Variants in TUSC3 observed in about 807,000 individuals in gnomAD.
TUSC3 encodes tumor suppressor candidate 3, also known as dolichyl-diphosphooligosaccharide--protein glycosyltransferase subunit TUSC3.
TUSC3 carries 45 observed loss-of-function variants against 44.8 expected under a neutral mutation model. The observed-to-expected ratio is 1.00, with a 90% CI of 0.79 to 1.29. TUSC3 has a LOEUF of 1.29. Ranked by LOEUF, TUSC3 falls within the 50% of genes most tolerant of loss-of-function variation. TUSC3 has a pLI of 0.00. For synonymous variants in TUSC3, 212 were observed against 152.9 expected, an observed-to-expected ratio of 1.39 and a Z score of -2.85; for missense variants, 519 against 437.9, an observed-to-expected ratio of 1.19 and a Z score of -1.65.
intron 1 of TUSC3, among the ~76,000 whole-genome samples, chr8:15,584,282 C>G (rs900026085): frequency 1.3e-5 from 2 of 152,056 alleles, no homozygotes; most frequent in African/African-American, 4.8e-5. Flanking sequence ...GCAGGGTGAT[C>G]CAGAAGGATA....
rs544466522 is a variant in TUSC3, at chr8:15,475,615, A to C, written n.92-7771A>C. On this transcript the variant is annotated intron_variant and non_coding_transcript_variant, in intron 1 of 5. Transcript: ENST00000503191. The stretch of plus-strand genomic sequence containing the variant: ...AAAGTATAAGTAAATCAACTGGAAA[A>C]CTGGAGCTCTAGAATAGTTTGGGAT... Among the ~76,000 whole-genome samples, 5 of 152,242 alleles carry C rather than the reference A, an allele frequency of 3.3e-5. No individual in the cohort carries two copies. In the South Asian group the frequency reaches 1.0e-3, roughly 32 times the overall value.
chr8:15,445,248 A>G (rs773281221), intron 1 of TUSC3, among the ~76,000 whole-genome samples: 11 of 152,200 alleles, frequency 7.2e-5, no homozygotes, highest in Non-Finnish European at 1.2e-4. Context: ...AATAAGGAGA[A>G]AACTATCATC....
intron 6 of TUSC3, among the ~76,000 whole-genome samples, chr8:15,723,435 C>G (rs1810382818): frequency 6.6e-6 from 1 of 152,128 alleles, no homozygotes; most frequent in Non-Finnish European, 1.5e-5. Context: ...TAATGAAGTG[C>G]TTAGGAATTT....
intron 2 of TUSC3, among the ~76,000 whole-genome samples, chr8:15,531,403 C>T (rs1448231506): frequency 1.3e-5 from 2 of 152,202 alleles, no homozygotes; most frequent in Non-Finnish European, 1.5e-5. Flanking sequence ...AGGCACCCGC[C>T]ACAGTGCCTG....
At chr8:15,849,750 T>G in the TUSC3 span, among the ~76,000 whole-genome samples, 1 of 152,082 alleles carries the variant, frequency 6.6e-6, no homozygotes, top group Non-Finnish European at 1.5e-5. Context: ...TGACAATGCT[T>G]TCTGCCCAAG....
At chr8:15,771,827 G>A in the TUSC3 span, among the ~76,000 whole-genome samples, 3 of 152,096 alleles carry the variant, frequency 2.0e-5, no homozygotes, top group Non-Finnish European at 4.4e-5. Flanking sequence ...GGTGGCTCAC[G>A]CCTGTAATCC....
At chr8:15,535,492 G>A (rs564996330), upstream of TUSC3, among the ~76,000 whole-genome samples, 7 of 152,280 alleles carry the variant, frequency 4.6e-5, no homozygotes, top group South Asian at 2.1e-4. Context: ...AGTTTCTACC[G>A]TCCTAGAGCT....
chr8:15,484,568 C>T (rs906340090), intron 2 of TUSC3, among the ~76,000 whole-genome samples: 4 of 152,208 alleles, frequency 2.6e-5, no homozygotes, highest in African/African-American at 9.6e-5. Flanking sequence ...CTTTCTCATT[C>T]CGGTGTAGGG....
In TUSC3 at chr8:15,765,724, A is replaced by G. The variant is rs941062441; in HGVS notation, c.*1568A>G. On this transcript the variant is annotated 3_prime_UTR_variant, in exon 11 of 11. Coordinates refer to ENST00000503731, the MANE Select transcript of TUSC3 (RefSeq NM_006765.4). ...TTCATGTACTTAGATGAATAAATTT[A>G]GTTTTGGAATGACGTTTATGGAAAA... 2.6e-5 allele frequency: 4 copies of G among 152,046 alleles called. No individual in the cohort carries two copies. Among genetic ancestry groups the G allele is most frequent in the African/African-American group, 9.7e-5 (4 of 41,438 alleles). The allele number at this position is 152,046 out of a possible 1,614,324, so 9.4% of individuals were successfully genotyped here.
rs182183684 is a variant in TUSC3, at chr8:15,669,328, G to A, written c.709-4419G>A. On this transcript the variant is annotated intron_variant, in intron 5 of 10. Coordinates refer to ENST00000503731, the MANE Select transcript of TUSC3 (RefSeq NM_006765.4). ...CTAACTCTTCTAAACAATTGAGACG[G>A]AATAATACTCACCTTAGGTAAACTT... Among the ~76,000 whole-genome samples, 491 of 151,734 alleles carry A rather than the reference G, an allele frequency of 3.2e-3. 1 individual carries two copies. Among genetic ancestry groups the A allele is most frequent in the Admixed American group, 6.4e-3 (97 of 15,188 alleles).
the TUSC3 span, among the ~76,000 whole-genome samples, chr8:15,808,496 T>G: frequency 2.0e-5 from 3 of 152,126 alleles, no homozygotes; most frequent in Admixed American, 6.6e-5. Context: ...ATATATCTCT[T>G]GTTGGCCAAT....
the TUSC3 span, among the ~76,000 whole-genome samples, chr8:15,817,040 T>C: frequency 1.8e-4 from 27 of 152,042 alleles, no homozygotes; most frequent in African/African-American, 6.5e-4. Context: ...ACTTGCTTTT[T>C]AAAAAAAAAT....
chr8:15,674,569 GCT>G (rs1782992862), intron 6 of TUSC3, among the ~76,000 whole-genome samples: 1 of 151,692 alleles, frequency 6.6e-6, no homozygotes, highest in Admixed American at 6.6e-5. Context: ...GACTTTTTCA[GCT>G]CTCATCTCAT....
intron 2 of TUSC3, among the ~76,000 whole-genome samples, chr8:15,495,232 T>A: frequency 6.6e-6 from 1 of 152,180 alleles, no homozygotes; most frequent in East Asian, 1.9e-4. Context: ...GCCATCCCTC[T>A]CTGGGATAAA....
At chr8:15,546,612 T>G (rs1439782582) in intron 1 of TUSC3, among the ~76,000 whole-genome samples, 2 of 151,664 alleles carry the variant, frequency 1.3e-5, no homozygotes, top group African/African-American at 4.8e-5. Flanking sequence ...CTTGGCTCAC[T>G]GCAACCTCTG....
chr8:15,484,292 T>A (rs1411770026), intron 2 of TUSC3, among the ~76,000 whole-genome samples: 1 of 152,222 alleles, frequency 6.6e-6, no homozygotes, highest in Admixed American at 6.5e-5. Context: ...CTAGCACAAT[T>A]TCCCAGGAAG....
chr8:15,835,153 CTT>C, the TUSC3 span, among the ~76,000 whole-genome samples: 2 of 152,110 alleles, frequency 1.3e-5, no homozygotes, highest in African/African-American at 2.4e-5. Flanking sequence ...TCTTTTTAGA[CTT>C]ATCCTTTTTG....
chr8:15,841,703 G>A, the TUSC3 span, among the ~76,000 whole-genome samples: 875 of 152,218 alleles, frequency 5.7e-3, 4 homozygotes, highest in African/African-American at 0.02. Flanking sequence ...TAGTAGAGAC[G>A]GGGTTTTGCC....
intron 6 of TUSC3, among the ~76,000 whole-genome samples, chr8:15,678,571 A>C (rs1197207707): frequency 6.6e-6 from 1 of 152,202 alleles, no homozygotes; most frequent in African/African-American, 2.4e-5. Context: ...CTTCAGAATA[A>C]AGTAGAAAAA....
Sources: gnomAD v4.1 joint callset for allele counts (sites outside exome capture counted in the v4.1 genomes callset) on GRCh38, gnomAD v4.1.1 for gene constraint, MANE v1.5 for transcripts, NCBI Gene and HGNC (gene_info 2026-07-23, HGNC 2026-07-21) for gene names.